RFX4: variants seen among roughly 807,000 people sequenced by gnomAD.
RFX4 encodes regulatory factor X4, also known as transcription factor RFX4.
RFX4 carries 10 observed loss-of-function variants against 95.0 expected under a neutral mutation model. The observed-to-expected ratio is 0.11, with a 90% CI of 0.06 to 0.18. The LOEUF is 0.18. Ranked by LOEUF, RFX4 falls within the 10% of genes least tolerant of loss-of-function variation. The pLI is 1.00. For missense variants in RFX4, 640 were observed against 922.0 expected (o/e 0.69, Z 3.96); for synonymous variants, 321 against 340.7 (o/e 0.94, Z 0.64).
intron 3 of RFX4, among the ~76,000 whole-genome samples, chr12:106,650,651 C>T (rs527865484): frequency 7.9e-5 from 12 of 152,014 alleles, no homozygotes; most frequent in East Asian, 3.9e-4. Context: ...TTGCTTGAAC[C>T]GGGGAGGCGG....
intron 2 of RFX4, among the ~76,000 whole-genome samples, chr12:106,623,497 C>T (rs989741608): frequency 6.6e-6 from 1 of 152,122 alleles, no homozygotes; most frequent in South Asian, 2.1e-4. Flanking sequence ...TTTGATTGTG[C>T]CTTGTCATCT....
chr12:106,684,637 G>A, intron 5 of RFX4: 2 of 1,353,204 alleles, frequency 1.5e-6, no homozygotes, highest in South Asian at 1.6e-5. Context: ...GGTTACGGTG[G>A]TGTGTCATAA....
chr12:106,719,916 A>C, intron 11 of RFX4, 44 bp from the exon 12 acceptor site: 3 of 1,459,238 alleles, frequency 2.1e-6, no homozygotes, highest in Non-Finnish European at 2.9e-6. Flanking sequence ...CTCTTGTTAA[A>C]TACAACTGCA....
intron 5 of RFX4, among the ~76,000 whole-genome samples, chr12:106,685,171 G>C (rs116885874): frequency 0.05 from 7,561 of 152,178 alleles, 258 homozygotes; most frequent in South Asian, 0.12. Context: ...AGTCTTTAAG[G>C]GGGGAGCAGG....
intron 8 of RFX4, among the ~76,000 whole-genome samples, chr12:106,698,220 C>A (rs956725269): frequency 6.6e-6 from 1 of 151,910 alleles, no homozygotes; most frequent in Non-Finnish European, 1.5e-5. Context: ...GCGATCCAAC[C>A]GCCTCAGCCT....
chr12:106,675,399 C>G (rs964998833), intron 4 of RFX4, among the ~76,000 whole-genome samples: 3 of 151,974 alleles, frequency 2.0e-5, no homozygotes, highest in South Asian at 4.2e-4. Flanking sequence ...CCACTGCACT[C>G]CAGCCTGGGT....
At chr12:106,602,345 T>C (rs1482014219) in intron 1 of RFX4, among the ~76,000 whole-genome samples, 2 of 152,210 alleles carry the variant, frequency 1.3e-5, no homozygotes, top group African/African-American at 4.8e-5. Flanking sequence ...TCCTCATTTT[T>C]CTATGGCCCT....
At chr12:106,667,876 G>C (rs1054515266) in intron 4 of RFX4, among the ~76,000 whole-genome samples, 3 of 152,188 alleles carry the variant, frequency 2.0e-5, no homozygotes, top group African/African-American at 7.2e-5. Context: ...CCCATTTAAA[G>C]ATGAGGTAGT....
At chr12:106,620,451 G>A (rs933084613) in intron 2 of RFX4, among the ~76,000 whole-genome samples, 1 of 152,030 alleles carries the variant, frequency 6.6e-6, no homozygotes, top group African/African-American at 2.4e-5. Flanking sequence ...AAAGGGGAGG[G>A]GATATAAGAA....
intron 1 of RFX4, among the ~76,000 whole-genome samples, chr12:106,596,650 G>C (rs1334808245): frequency 5.3e-5 from 8 of 152,312 alleles, no homozygotes; most frequent in African/African-American, 1.9e-4. Flanking sequence ...TCCAAACTGA[G>C]GTTTGTTGTT....
chr12:106,710,580 GA>G (rs2042174223), intron 9 of RFX4, among the ~76,000 whole-genome samples: 1 of 152,142 alleles, frequency 6.6e-6, no homozygotes, highest in Admixed American at 6.5e-5. Context: ...GACCAGTTCA[GA>G]AATTACCAAG....
intron 8 of RFX4, among the ~76,000 whole-genome samples, chr12:106,706,210 C>T (rs567016197): frequency 6.6e-6 from 1 of 152,274 alleles, no homozygotes; most frequent in Admixed American, 6.5e-5. Context: ...GCCAGAGGTC[C>T]GGAATGCAGA....
rs769934408 is a variant in RFX4, at chr12:106,687,117, C to G, written c.591+20C>G. 1.9e-6 allele frequency: 3 copies of G among 1,608,878 alleles called. No individual in the cohort carries two copies. Among genetic ancestry groups the G allele is most frequent in the Non-Finnish European group, 2.5e-6 (3 of 1,176,808 alleles). On this transcript the variant is annotated intron_variant, in intron 6 of 17. Transcript: ENST00000392842. ...GAGAAGGTAACTACAACTGAAGTGA[C>G]TATTTGGGGTGGGTGGTTTCTCTCT...
chr12:106,605,982 G>A (rs1204846354), intron 1 of RFX4, among the ~76,000 whole-genome samples: 1 of 152,198 alleles, frequency 6.6e-6, no homozygotes, highest in Non-Finnish European at 1.5e-5. Flanking sequence ...ATTGCACAGT[G>A]TGGAGGACAG....
intron 10 of RFX4, chr12:106,715,134 A>G (rs2042263207): frequency 3.0e-6 from 1 of 337,508 alleles, no homozygotes; most frequent in Admixed American, 4.1e-5. Flanking sequence ...AAGGGACTGG[A>G]AACAGCAGGG....
chr12:106,684,580 T>A (rs912927375), intron 5 of RFX4: 1 of 734,778 alleles, frequency 1.4e-6, no homozygotes, highest in African/African-American at 1.8e-5. Flanking sequence ...GGTCTGAACA[T>A]ATTAGATGAT....
rs552021241 is a variant in RFX4, at chr12:106,687,379, C to G, written c.591+282C>G. Among the ~76,000 whole-genome samples the G allele has an allele frequency of 7.8e-4, 118 of 151,764 alleles. 1 individual carries two copies. Among genetic ancestry groups the G allele is most frequent in the South Asian group, 1.3e-3 (6 of 4,796 alleles). On this transcript the variant is annotated intron_variant, in intron 6 of 17. Coordinates refer to ENST00000392842, the MANE Select transcript of RFX4 (RefSeq NM_213594.3). Reference sequence around the variant, plus strand: ...ACCAGCCTGACCAACATGGTGAAACCCTGTCTCTACTAAAAATACAAAAAA... The same window carrying G: ...ACCAGCCTGACCAACATGGTGAAACGCTGTCTCTACTAAAAATACAAAAAA...
chr12:106,724,884 T>G (rs1592984649), intron 13 of RFX4, among the ~76,000 whole-genome samples: 1 of 151,742 alleles, frequency 6.6e-6, no homozygotes, highest in South Asian at 2.1e-4. Context: ...TGGTGGCGGG[T>G]GCCTATAATC....
At chr12:106,682,205 G>A in intron 5 of RFX4, 151 bp downstream of exon 5, 1 of 725,952 alleles carries the variant, frequency 1.4e-6, no homozygotes, top group East Asian at 2.6e-5. Flanking sequence ...TGACGGCCAG[G>A]GCCCCTCTCT....
Sources: allele counts gnomAD v4.1 joint callset (sites outside exome capture counted in the v4.1 genomes callset), GRCh38; gene constraint gnomAD v4.1.1; transcripts MANE v1.5; gene names NCBI Gene and HGNC (gene_info 2026-07-23, HGNC 2026-07-21).